The following PTK2 variants were observed in gnomAD, a reference collection of about 807,000 sequenced individuals.
PTK2 encodes focal adhesion kinase 1.
In PTK2, 45 loss-of-function variants were observed where a neutral mutation model predicts 150.1. The observed-to-expected ratio is 0.30, with a 90% CI of 0.24 to 0.38. The LOEUF (loss-of-function observed/expected upper bound fraction) is 0.38. PTK2 is among the 10% of genes least tolerant of loss of function. PTK2 has a pLI of 1.00. For missense variants in PTK2, 919 were observed against 1,307.3 expected, an observed-to-expected ratio of 0.70 and a Z score of 4.58; for synonymous variants, 432 against 449.2, an observed-to-expected ratio of 0.96 and a Z score of 0.48.
At chr8:140,735,491 A>C in intron 21 of PTK2, 36 bp from the exon 25 acceptor site, 2 of 1,596,332 alleles carry the variant, frequency 1.3e-6, no homozygotes, top group Non-Finnish European at 8.6e-7. Flanking sequence ...CAGTGAGCTC[A>C]GTATGAAGAA....
chr8:140,667,949 TCATACTGTAAG>T (rs2152974714), intron 30 of PTK2, among the ~76,000 whole-genome samples: 1 of 152,378 alleles, frequency 6.6e-6, no homozygotes, highest in Admixed American at 6.5e-5. Flanking sequence ...ATAAATGGCA[TCATACTGTAAG>T]CATACTTTTG....
rs571325270 is a variant in PTK2 at position 140,665,907 on chromosome 8, T to C, written c.2866-910A>G. Among the ~76,000 whole-genome samples, 219 of 152,376 alleles carry C rather than the reference T, an allele frequency of 1.4e-3. 1 individual carries two copies. The highest frequency in any genetic ancestry group is 5.1e-3 in the African/African-American group (213 of 41,596). ...TTAAGAACTTTGGTTAAAACTGTTATGTGGATACACTTTAAAAAAGTGAAC... is the reference window on the plus strand; with the variant it reads ...TTAAGAACTTTGGTTAAAACTGTTACGTGGATACACTTTAAAAAAGTGAAC... On this transcript the variant is annotated intron_variant, in intron 30 of 31. Coordinates refer to ENST00000522684, the Ensembl canonical transcript of PTK2.
chr8:140,996,471 C>T (rs1235500416), intron 1 of PTK2, among the ~76,000 whole-genome samples: 2 of 152,208 alleles, frequency 1.3e-5, no homozygotes, highest in East Asian at 3.8e-4. Context: ...CCATCTAGGA[C>T]TTTCATAGCC....
At chr8:140,720,708 T>A (rs1317668683) in intron 22 of PTK2, among the ~76,000 whole-genome samples, 1 of 152,162 alleles carries the variant, frequency 6.6e-6, no homozygotes, top group Non-Finnish European at 1.5e-5. Flanking sequence ...ATATCCTGTG[T>A]AACTAATGGC....
intron 1 of PTK2, among the ~76,000 whole-genome samples, chr8:140,958,639 G>A (rs1478815935): frequency 6.6e-6 from 1 of 152,186 alleles, no homozygotes; most frequent in East Asian, 1.9e-4. Context: ...ACACTGAGAC[G>A]TAAGTGTAAA....
At chr8:140,781,341 T>C (rs1433159978) in intron 14 of PTK2, among the ~76,000 whole-genome samples, 2 of 152,204 alleles carry the variant, frequency 1.3e-5, no homozygotes, top group Non-Finnish European at 1.5e-5. Flanking sequence ...TGTTAATAAG[T>C]TTCGCCAGAG....
At chr8:140,843,529 G>A (rs1352725793) in intron 7 of PTK2, among the ~76,000 whole-genome samples, 3 of 151,600 alleles carry the variant, frequency 2.0e-5, no homozygotes. Flanking sequence ...GGCTTCCACA[G>A]TGACCCTGAA....
intron 26 of PTK2, among the ~76,000 whole-genome samples, chr8:140,694,779 T>C (rs1219327021): frequency 1.3e-5 from 2 of 152,168 alleles, no homozygotes; most frequent in Non-Finnish European, 2.9e-5. Flanking sequence ...CAACGAGATA[T>C]AATTACCATT....
At chr8:140,680,388 C>T (rs1347505326) in intron 27 of PTK2, among the ~76,000 whole-genome samples, 1 of 152,078 alleles carries the variant, frequency 6.6e-6, no homozygotes, top group Non-Finnish European at 1.5e-5. Flanking sequence ...CTACCACGCC[C>T]GGCTAACTTT....
intron 2 of PTK2, among the ~76,000 whole-genome samples, chr8:140,917,799 A>G (rs959647825): frequency 6.6e-6 from 1 of 152,230 alleles, no homozygotes; most frequent in Non-Finnish European, 1.5e-5. Flanking sequence ...CCAAAAAAGT[A>G]AAATATATAA....
At chr8:140,965,379 ATG>A (rs1257669108) in intron 1 of PTK2, among the ~76,000 whole-genome samples, 1 of 152,152 alleles carries the variant, frequency 6.6e-6, no homozygotes, top group East Asian at 1.9e-4. Flanking sequence ...CCCAGGTTAG[ATG>A]CCCCTCTCCT....
chr8:140,699,263 T>TG (rs1167597583), intron 26 of PTK2, among the ~76,000 whole-genome samples: 1 of 152,188 alleles, frequency 6.6e-6, no homozygotes, highest in Non-Finnish European at 1.5e-5. Flanking sequence ...TTATGAATCC[T>TG]GGCTTCTTTC....
chr8:140,921,275 C>G, intron 2 of PTK2: 1 of 272,018 alleles, frequency 3.7e-6, no homozygotes, highest in South Asian at 1.5e-4. Context: ...AAAAAGAAGG[C>G]CAGTAGCCAG....
rs961842868 is a variant in PTK2 at position 140,965,293 on chromosome 8, C to T, written c.-122+35832G>A. 3.3e-5 allele frequency among the ~76,000 whole-genome samples: 5 copies of T among 152,166 alleles called. No individual in the cohort carries two copies. In the South Asian group the frequency reaches 1.0e-3, roughly 32 times the overall value. On this transcript the variant is annotated intron_variant, in intron 1 of 31. Transcript: ENST00000522684. ...ACTTTCTCTCACATCTCTATGCCAT[C>T]TGCTGCTCCTTCTACCTAGATCTTC...
At chr8:140,760,604 T>TG (rs2100068868) in intron 16 of PTK2, among the ~76,000 whole-genome samples, 1 of 152,174 alleles carries the variant, frequency 6.6e-6, no homozygotes, top group Non-Finnish European at 1.5e-5. Flanking sequence ...CTGCTGCTAA[T>TG]GGGTATAAAG....
intron 1 of PTK2, among the ~76,000 whole-genome samples, chr8:140,989,773 T>C (rs542758834): frequency 1.3e-5 from 2 of 151,788 alleles, no homozygotes; most frequent in East Asian, 2.0e-4. Flanking sequence ...CCGGGTGTGA[T>C]GGTGCATGCC....
chr8:140,993,212 T>C (rs11167018), intron 1 of PTK2, among the ~76,000 whole-genome samples: 63,470 of 152,112 alleles, frequency 0.42, 15,176 homozygotes, highest in Non-Finnish European at 0.55. Flanking sequence ...CTCCAAGTTC[T>C]TCCCTGGTAT....
At chr8:140,869,403 G>A (rs1397517449) in intron 4 of PTK2, among the ~76,000 whole-genome samples, 1 of 152,136 alleles carries the variant, frequency 6.6e-6, no homozygotes, top group African/African-American at 2.4e-5. Flanking sequence ...AAGTTGGCCA[G>A]CTTCTCAACT....
intron 22 of PTK2, among the ~76,000 whole-genome samples, chr8:140,727,511 G>C (rs1174246545): frequency 6.7e-6 from 1 of 150,364 alleles, no homozygotes; most frequent in Admixed American, 6.6e-5. Flanking sequence ...AAAAAATACT[G>C]GTATAATGAC....
Sources: gnomAD v4.1 joint callset for allele counts (sites outside exome capture counted in the v4.1 genomes callset) on GRCh38, gnomAD v4.1.1 for gene constraint, MANE v1.5 for transcripts, NCBI Gene and HGNC (gene_info 2026-07-23, HGNC 2026-07-21) for gene names.